WDR25: variants seen among roughly 807,000 people sequenced by gnomAD.
The protein encoded by WDR25 is WD repeat domain 25, also known as WD repeat-containing protein 25.
WDR25 carries 35 observed loss-of-function variants against 47.7 expected under a neutral mutation model. That is an observed-to-expected ratio of 0.73 (90% CI 0.56 to 0.97). The LOEUF (loss-of-function observed/expected upper bound fraction) is 0.97. WDR25 is among the 50% of genes least tolerant of loss of function. The probability of loss-of-function intolerance (pLI) is 0.00; values close to 1 mark genes in which losing one functional copy is unlikely to be tolerated. For missense variants in WDR25, 634 were observed against 704.7 expected, an observed-to-expected ratio of 0.90 and a Z score of 1.14; for synonymous variants, 248 against 278.9, an observed-to-expected ratio of 0.89 and a Z score of 1.10.
intron 2 of WDR25, among the ~76,000 whole-genome samples, chr14:100,460,555 AT>A (rs1272213440): frequency 6.6e-6 from 1 of 152,248 alleles, no homozygotes; most frequent in African/African-American, 2.4e-5. Flanking sequence ...TGACTGAACT[AT>A]AATGTTAATG....
intron 2 of WDR25, among the ~76,000 whole-genome samples, chr14:100,422,796 TG>T (rs1316940311): frequency 1.3e-5 from 2 of 152,376 alleles, no homozygotes; most frequent in East Asian, 3.9e-4. Flanking sequence ...TTAATTTGCC[TG>T]CCCACTGGCG....
At chr14:100,403,632 A>T (rs1285148509) in intron 2 of WDR25, among the ~76,000 whole-genome samples, 3 of 152,212 alleles carry the variant, frequency 2.0e-5, no homozygotes, top group Admixed American at 6.5e-5. Context: ...TCCTTTGAAG[A>T]TGGAAAATGA....
intron 2 of WDR25, among the ~76,000 whole-genome samples, chr14:100,433,646 G>C (rs1898408532): frequency 6.6e-6 from 1 of 152,114 alleles, no homozygotes; most frequent in Non-Finnish European, 1.5e-5. Flanking sequence ...ATCCTAACTA[G>C]AAAGAAGAGT....
rs116224462 is a variant in WDR25, at chr14:100,480,985, C to T, written c.971-3009C>T. On this transcript the variant is annotated intron_variant, in intron 3 of 6. Coordinates refer to ENST00000402312, the MANE Select transcript of WDR25 (RefSeq NM_001161476.3). ...GGAAGGTCAGCTCTGCTGAAGGGGC[C>T]ACCAAGGAAGAGCCCAAGAGGAGAC... 1,544 of 430,238 alleles carry T rather than the reference C, an allele frequency of 3.6e-3. 13 individuals are homozygous for T. Among genetic ancestry groups the T allele is most frequent in the African/African-American group, 0.029 (1,358 of 47,446 alleles). 26.7% of individuals were successfully genotyped at this position (430,238 alleles called of 1,614,324 possible).
chr14:100,486,568 T>C (rs990209778), intron 4 of WDR25, among the ~76,000 whole-genome samples: 1 of 152,372 alleles, frequency 6.6e-6, no homozygotes, highest in African/African-American at 2.4e-5. Flanking sequence ...GTTGCCCATG[T>C]GTCTCAAATG....
intron 4 of WDR25, among the ~76,000 whole-genome samples, chr14:100,519,843 C>A: frequency 1.6e-5 from 2 of 126,638 alleles, no homozygotes; most frequent in African/African-American, 6.9e-5. Context: ...AGTATATATA[C>A]TATATATGCT....
intron 2 of WDR25, among the ~76,000 whole-genome samples, chr14:100,395,182 T>G (rs1274459205): frequency 6.6e-6 from 1 of 152,282 alleles, no homozygotes; most frequent in Non-Finnish European, 1.5e-5. Flanking sequence ...GGTTTACATC[T>G]CATTTGCCCT....
At chr14:100,413,645 C>A (rs1386473779) in intron 2 of WDR25, among the ~76,000 whole-genome samples, 2 of 152,042 alleles carry the variant, frequency 1.3e-5, no homozygotes, top group African/African-American at 4.8e-5. Context: ...GATCTCCTGA[C>A]CTCGTGATCC....
chr14:100,380,908 AG>A lies in WDR25; in HGVS notation c.-15del. ...CTGACGGTTGACCTTGTTTGATCTT[AG>A]GTGGTTTGGCTTTGAATGACAGCAA... On this transcript the variant is annotated splice_acceptor_variant, in intron 1 of 6. Coordinates refer to ENST00000402312, the MANE Select transcript of WDR25 (RefSeq NM_001161476.3). LOFTEE classifies it low-confidence loss of function (5UTR_SPLICE). 6.2e-7 allele frequency: 1 copy of A among 1,605,786 alleles called. No homozygotes were observed.
chr14:100,530,245 G>A lies in WDR25; in HGVS notation c.*204G>A, dbSNP rs1466145275. 1.2e-5 allele frequency: 7 copies of A among 577,630 alleles called. No individual in the cohort carries two copies. Among genetic ancestry groups the A allele is most frequent in the Non-Finnish European group, 2.1e-5 (7 of 333,254 alleles). The allele number at this position is 577,630 out of a possible 1,614,324, so 35.8% of individuals were successfully genotyped here. A position where few individuals can be genotyped will look rare whatever the true frequency, so the allele number is the denominator to read the frequency against. ...GACTACACTAGTGAAAGCGCCTGGCGGGCAGCCGGCGATGCCCAATAAATG... is the reference window on the plus strand; with the variant it reads ...GACTACACTAGTGAAAGCGCCTGGCAGGCAGCCGGCGATGCCCAATAAATG... On this transcript the variant is annotated 3_prime_UTR_variant, in exon 7 of 7. Transcript: ENST00000402312.
intron 2 of WDR25, among the ~76,000 whole-genome samples, chr14:100,401,678 G>A (rs1280545177): frequency 6.6e-6 from 1 of 152,188 alleles, no homozygotes; most frequent in Admixed American, 6.5e-5. Context: ...CTTTGTTTCT[G>A]ATCCTAAAGG....
At chr14:100,451,512 G>A (rs2140266870) in intron 2 of WDR25, among the ~76,000 whole-genome samples, 1 of 152,210 alleles carries the variant, frequency 6.6e-6, no homozygotes, top group East Asian at 1.9e-4. Flanking sequence ...CAGCCACCTT[G>A]CCTGGCTCAT....
At position 100,430,603 on chromosome 14, in the gene WDR25, T is replaced by C. The variant is rs1898302450; in HGVS notation, c.823-37418T>C. 6.6e-6 allele frequency among the ~76,000 whole-genome samples: 1 copy of C among 152,166 alleles called. No individual in the cohort carries two copies. Among genetic ancestry groups the C allele is most frequent in the African/African-American group, 2.4e-5 (1 of 41,438 alleles). ...CATGTACTGATAACCTCGTACCTTA[T>C]GCCAGGCAGGACTGTGGTCCCTGTT... On this transcript the variant is annotated intron_variant, in intron 2 of 6. Coordinates refer to ENST00000402312, the MANE Select transcript of WDR25 (RefSeq NM_001161476.3). The surrounding 1 kb of genome is among the most constrained non-coding windows in gnomAD (Gnocchi z 4.7).
rs1900739071 is a variant in WDR25, at chr14:100,496,756, T to C, written c.1101+12632T>C. Among the ~76,000 whole-genome samples the C allele has an allele frequency of 1.3e-5, 2 of 151,912 alleles. 1 individual carries two copies. Among genetic ancestry groups the C allele is most frequent in the South Asian group, 4.1e-4 (2 of 4,824 alleles). On this transcript the variant is annotated intron_variant, in intron 4 of 6. Coordinates refer to ENST00000402312, the MANE Select transcript of WDR25 (RefSeq NM_001161476.3). Reference sequence around the variant, plus strand: ...GACATGTGGGCTATTTAGAAGTGTATTGTTCAGTTTCCAAGCATGTGGAAA... The same window carrying C: ...GACATGTGGGCTATTTAGAAGTGTACTGTTCAGTTTCCAAGCATGTGGAAA...
intron 2 of WDR25, among the ~76,000 whole-genome samples, chr14:100,460,898 A>G (rs894089872): frequency 4.6e-5 from 7 of 152,180 alleles, no homozygotes; most frequent in Non-Finnish European, 1.0e-4. Flanking sequence ...AACTGCCTTT[A>G]TGTGCAGATA....
At chr14:100,387,055 T>C (rs776238398) in intron 2 of WDR25, among the ~76,000 whole-genome samples, 1 of 151,730 alleles carries the variant, frequency 6.6e-6, no homozygotes, top group Non-Finnish European at 1.5e-5. Flanking sequence ...TGTGTGACTT[T>C]GGGAAAATCA....
At chr14:100,389,886 G>C (rs1472830758) in intron 2 of WDR25, among the ~76,000 whole-genome samples, 2 of 152,180 alleles carry the variant, frequency 1.3e-5, no homozygotes, top group Non-Finnish European at 2.9e-5. Flanking sequence ...GAGATGAGCG[G>C]CACCCTCTGG....
chr14:100,481,899 G>A (rs1349771637), intron 3 of WDR25, among the ~76,000 whole-genome samples: 1 of 152,098 alleles, frequency 6.6e-6, no homozygotes, highest in Admixed American at 6.5e-5. Flanking sequence ...TGAAGATACT[G>A]GTACTTGATA....
chr14:100,521,842 C>T (rs568416287), intron 4 of WDR25, among the ~76,000 whole-genome samples: 1 of 152,174 alleles, frequency 6.6e-6, no homozygotes, highest in Non-Finnish European at 1.5e-5. Context: ...TCAAAGTTGT[C>T]TAAATCCTTT....
Sources: gnomAD v4.1 joint callset for allele counts (sites outside exome capture counted in the v4.1 genomes callset) on GRCh38, gnomAD v4.1.1 for gene constraint, Gnocchi (gnomAD v3.1) non-coding constraint, MANE v1.5 for transcripts, NCBI Gene and HGNC (gene_info 2026-07-23, HGNC 2026-07-21) for gene names.